BRD3: variants seen among roughly 807,000 people sequenced by gnomAD.
BRD3 encodes the protein bromodomain containing 3.
Under a neutral mutation model 66.8 loss-of-function variants are expected in BRD3, and 17 were observed. The observed-to-expected ratio is 0.25, with a 90% CI of 0.17 to 0.38. BRD3 has a LOEUF of 0.38. BRD3 is among the 10% of genes least tolerant of loss of function. The probability of loss-of-function intolerance (pLI) is 1.00; values close to 1 mark genes in which losing one functional copy is unlikely to be tolerated. For synonymous variants in BRD3, 421 were observed against 393.2 expected, an observed-to-expected ratio of 1.07 and a Z score of -0.84; for missense variants, 713 against 956.1, an observed-to-expected ratio of 0.75 and a Z score of 3.35.
At chr9:134,048,622 C>G (rs992231409) in intron 5 of BRD3, among the ~76,000 whole-genome samples, 168 bp from the exon 6 acceptor site, 8 of 152,176 alleles carry the variant, frequency 5.3e-5, no homozygotes, top group East Asian at 1.9e-4. Flanking sequence ...ATGTCACTGG[C>G]CCAAGGTCAC....
chr9:134,041,605 G>A (rs953305094), intron 8 of BRD3, among the ~76,000 whole-genome samples, 155 bp downstream of exon 8: 10 of 152,222 alleles, frequency 6.6e-5, no homozygotes, highest in African/African-American at 2.4e-4. Context: ...CCAGACCTGG[G>A]GAGGGCACTC....
intron 1 of BRD3, among the ~76,000 whole-genome samples, chr9:134,063,057 G>A (rs1490061060): frequency 6.6e-6 from 1 of 152,194 alleles, no homozygotes; most frequent in Non-Finnish European, 1.5e-5. Flanking sequence ...GGCCCCAGGA[G>A]ACAGGCCTGG....
chr9:134,051,535 C>G, intron 4 of BRD3, 27 bp downstream of exon 4: 1 of 1,506,968 alleles, frequency 6.6e-7, no homozygotes, highest in Non-Finnish European at 8.8e-7. Flanking sequence ...AGAGGCCCAG[C>G]CCCTCGCCTG....
chr9:134,034,668 A>C, intron 11 of BRD3, 33 bp downstream of exon 11: 1 of 1,599,654 alleles, frequency 6.3e-7, no homozygotes, highest in Non-Finnish European at 8.5e-7. Context: ...CCACCCCCCT[A>C]AAGAGGGGTG....
chr9:134,041,630 G>A (rs3847320), intron 8 of BRD3, 130 bp downstream of exon 8: 321,893 of 1,229,914 alleles, frequency 0.26, 45,095 homozygotes, highest in African/African-American at 0.38. Flanking sequence ...TGTCTTTACG[G>A]GGAAGCACTA....
intron 9 of BRD3, among the ~76,000 whole-genome samples, chr9:134,038,765 T>C (rs550064645): frequency 6.6e-6 from 1 of 152,328 alleles, no homozygotes; most frequent in African/African-American, 2.4e-5. Flanking sequence ...AGATTTGAGA[T>C]GCTTCAGTTT....
rs1830269151 is a variant in BRD3 at position 134,050,520 on chromosome 9, CGGT to C, written c.565_567del (p.Thr189del). On this transcript the variant is annotated inframe_deletion, in exon 5 of 12. Transcript: ENST00000303407. ...GCAGCGATGACGGGCGTCTGGGAGA[CGGT>C]GGGGGGCACGCTCTGAAAGGGGGTC... The C allele has an allele frequency of 6.2e-7, 1 of 1,603,616 alleles. No homozygotes were observed. Among genetic ancestry groups the C allele is most frequent in the Non-Finnish European group, 8.5e-7 (1 of 1,175,318 alleles).
chr9:134,040,049 G>A lies in BRD3; in HGVS notation c.1628C>T (p.Thr543Met), dbSNP rs1185347403. 24 of 1,592,224 alleles carry A rather than the reference G, an allele frequency of 1.5e-5. No individual in the cohort carries two copies. Among genetic ancestry groups the A allele is most frequent in the Non-Finnish European group, 1.6e-5 (19 of 1,171,524 alleles). Residue 543 changes from threonine (T) to methionine (M), a missense_variant, in exon 9 of 12, where the codon ACG (threonine) becomes ATG (methionine). Thr to Met is a moderately conservative substitution (Grantham distance 81, BLOSUM62 -1). This residue lies in a region of BRD3 where 418 missense variants were observed against 609.3 expected (regional missense o/e 0.69). Coordinates refer to ENST00000303407, the MANE Select transcript of BRD3 (RefSeq NM_007371.4). ...TGGAGCCCACCTGCCGGCCGTGGTCGTGCTGTTGGCCTTCTTGGCAGGAGC... is the reference window on the plus strand; with the variant it reads ...TGGAGCCCACCTGCCGGCCGTGGTCATGCTGTTGGCCTTCTTGGCAGGAGC... ...KKAPAKKANSTTTAGRQLKKG... is the reference protein window; with the variant it reads ...KKAPAKKANSMTTAGRQLKKG...
chr9:134,051,880 G>GTTGTTTTTTTTTTT (rs1564555861), intron 3 of BRD3, among the ~76,000 whole-genome samples, 171 bp from the exon 4 acceptor site: 2 of 113,632 alleles, frequency 1.8e-5, no homozygotes, highest in South Asian at 2.7e-4. Context: ...TGTGTGTGTT[G>GTTGTTTTTTTTTTT]TTTTTTTTGT....
At chr9:134,059,365 G>A (rs949786965) in intron 1 of BRD3, among the ~76,000 whole-genome samples, 1 of 152,246 alleles carries the variant, frequency 6.6e-6, no homozygotes, top group Non-Finnish European at 1.5e-5. Context: ...TCATGCGATG[G>A]GGAATAAGCC....
chr9:134,048,656 G>C (rs947113225), intron 5 of BRD3, among the ~76,000 whole-genome samples: 3 of 152,176 alleles, frequency 2.0e-5, no homozygotes, highest in African/African-American at 7.2e-5. Context: ...GTGAGGCTGG[G>C]ACTCTCCCTC....
chr9:134,065,548 G>A (rs1024434437), intron 1 of BRD3, among the ~76,000 whole-genome samples: 2 of 152,104 alleles, frequency 1.3e-5, no homozygotes, highest in African/African-American at 4.8e-5. Flanking sequence ...TGCGTTAACT[G>A]CTTTGAAAAC....
rs890682071 is a variant in BRD3, at chr9:134,042,682, CACACACACATAT to C, written c.1216-743_1216-732del. 2.5e-4 allele frequency among the ~76,000 whole-genome samples: 34 copies of C among 138,570 alleles called. 1 individual carries two copies. The South Asian group carries it at 7.2e-3, about 29-fold the overall frequency. The allele number at this position is 138,570 out of a possible 152,430, so 90.9% of individuals were successfully genotyped here. A position where few individuals can be genotyped will look rare whatever the true frequency, so the allele number is the denominator to read the frequency against. On this transcript the variant is annotated intron_variant, in intron 7 of 11. Transcript: ENST00000303407. The stretch of plus-strand genomic sequence containing the variant: ...ACACACACACACACATATATATACA[CACACACACATAT>C]ACACACACATATATATACACATATA...
At position 134,036,166 on chromosome 9, in the gene BRD3, G is replaced by A; in HGVS notation, c.1802C>T (p.Ser601Phe). The change falls in exon 10 of 12, where the codon TCT becomes TTT. Residue 601 changes from serine to phenylalanine, a missense_variant. Physicochemically the swap from Ser to Phe is radical, Grantham distance 155. Transcript: ENST00000303407. ...GGAGTCCCTGAGCGAGGGCTCCCGAGATTGGATGATGTGCACTACCCGGCC... is the reference window on the plus strand; with the variant it reads ...GGAGTCCCTGAGCGAGGGCTCCCGAAATTGGATGATGTGCACTACCCGGCC... ...KLGRVVHIIQ[S>F]REPSLRDSNP... The A allele has an allele frequency of 1.2e-6, 2 of 1,614,254 alleles. No homozygotes were observed.
intron 1 of BRD3, among the ~76,000 whole-genome samples, chr9:134,065,533 C>A (rs568866472): frequency 3.0e-4 from 45 of 152,254 alleles, no homozygotes; most frequent in African/African-American, 9.9e-4. Context: ...GATCCTCTGA[C>A]CAACTGCGTT....
At chr9:134,036,351 T>C (rs766084600) in intron 9 of BRD3, 27 bp from the exon 10 acceptor site, 3 of 1,578,184 alleles carry the variant, frequency 1.9e-6, no homozygotes, top group Non-Finnish European at 2.6e-6. Context: ...AGCAACGTGG[T>C]GTTGAGTCTC....
intron 7 of BRD3, among the ~76,000 whole-genome samples, chr9:134,042,634 C>T (rs939223014): frequency 3.5e-5 from 5 of 142,660 alleles, no homozygotes; most frequent in Non-Finnish European, 7.5e-5. Context: ...GAGACCCTGC[C>T]TCAAATATAT....
At chr9:134,066,737 T>C (rs527705784) in intron 1 of BRD3, among the ~76,000 whole-genome samples, 15 of 152,318 alleles carry the variant, frequency 9.8e-5, no homozygotes, top group African/African-American at 3.4e-4. Flanking sequence ...TGCCCACCAA[T>C]GCACTACAGT....
Position 134,036,084 on chromosome 9 carries a change from T to C in BRD3, c.1884A>G (p.Glu628=). ...FETLKPTTLR[E]LERYVKSCLQ... ...AACAAGACTTGACATATCTCTCCAG[T>C]TCCCGCAAAGTGGTGGGTTTCAGAG... is the stretch of plus-strand genomic sequence containing the variant. The change falls in exon 10 of 12, where the codon GAA becomes GAG. Residue 628 remains glutamate (E), a synonymous_variant. Coordinates refer to ENST00000303407, the MANE Select transcript of BRD3 (RefSeq NM_007371.4). 6 of 1,614,124 alleles carry C rather than the reference T, an allele frequency of 3.7e-6. No homozygotes were observed. Among genetic ancestry groups the C allele is most frequent in the Non-Finnish European group, 5.1e-6 (6 of 1,179,960 alleles).
Sources: gnomAD v4.1 joint callset for allele counts (sites outside exome capture counted in the v4.1 genomes callset) on GRCh38, gnomAD v4.1.1 for gene constraint, gnomAD v4.1.1 regional missense constraint, MANE v1.5 for transcripts, NCBI Gene and HGNC (gene_info 2026-07-23, HGNC 2026-07-21) for gene names.